The following SEC16B variants were observed in gnomAD, a reference collection of about 807,000 sequenced individuals.
SEC16B encodes the protein protein transport protein Sec16B.
A neutral mutation model predicts 141.8 loss-of-function variants in SEC16B; 115 were observed. That is an observed-to-expected ratio of 0.81 (90% CI 0.70 to 0.95). SEC16B has a LOEUF of 0.95. Among genes scored for constraint, SEC16B ranks in the 40% least tolerant of loss-of-function variants. The probability of loss-of-function intolerance (pLI) is 0.00; values close to 1 mark genes in which losing one functional copy is unlikely to be tolerated. For synonymous variants in SEC16B, 493 were observed against 492.5 expected (o/e 1.00, Z -0.01); for missense variants, 1,291 against 1,312.3 (o/e 0.98, Z 0.25).
At chr1:177,948,159 A>G (rs1457113655) in intron 12 of SEC16B, among the ~76,000 whole-genome samples, 2 of 152,204 alleles carry the variant, frequency 1.3e-5, no homozygotes, top group African/African-American at 4.8e-5. Flanking sequence ...GCATACATAC[A>G]TACATACATT....
intron 3 of SEC16B, among the ~76,000 whole-genome samples, chr1:177,965,375 A>G (rs1653434445): frequency 6.7e-6 from 1 of 148,958 alleles, no homozygotes; most frequent in African/African-American, 2.6e-5. Flanking sequence ...GCATGGATCT[A>G]TACAACCGCA....
Position 177,932,578 on chromosome 1 carries a change from T to C in SEC16B, c.2933-9A>G, listed in dbSNP as rs522367. On this transcript the variant is annotated splice_polypyrimidine_tract_variant and intron_variant, in intron 23 of 25. Transcript: ENST00000308284. ...TCGGCCTTCACCCCCACCTGGAAAG[T>C]AATGAGGCAGAGCTGTTTCCTCTGC... The C allele has an allele frequency of 0.45, 691,421 of 1,546,798 alleles. 156,305 individuals are homozygous for C. The highest frequency in any genetic ancestry group is 0.5 in the African/African-American group (36,003 of 72,692).
chr1:177,958,810 C>T (rs985408627), intron 9 of SEC16B, 30 bp downstream of exon 9: 1 of 1,595,992 alleles, frequency 6.3e-7, no homozygotes, highest in Admixed American at 1.7e-5. Flanking sequence ...TTTCAGCCTG[C>T]ACCTGCTCTC....
chr1:177,946,247 C>A, intron 14 of SEC16B, 173 bp downstream of exon 14: 1 of 673,322 alleles, frequency 1.5e-6, no homozygotes, highest in Non-Finnish European at 2.7e-6. Context: ...TAATGTGGGG[C>A]CCACGGGGCA....
At chr1:177,962,683 C>T (rs1213342163) in intron 5 of SEC16B, among the ~76,000 whole-genome samples, 2 of 151,820 alleles carry the variant, frequency 1.3e-5, no homozygotes, top group African/African-American at 4.8e-5. Context: ...GAGTTCAAGG[C>T]TGCAGTGAGC....
Position 177,939,813 on chromosome 1 carries a change from A to G in SEC16B, c.2128-36T>C, listed in dbSNP as rs80106858. 3 of 1,457,528 alleles carry G rather than the reference A, an allele frequency of 2.1e-6. No individual in the cohort carries two copies. In the South Asian group the frequency reaches 3.8e-5, roughly 18 times the overall value. 90.3% of individuals were successfully genotyped at this position (1,457,528 alleles called of 1,614,324 possible). ...TAAAGTAAAATTCCTTTTAAGCAGCACAAAGGAAAAACAAGAACAGAGAAA... is the reference window on the plus strand; with the variant it reads ...TAAAGTAAAATTCCTTTTAAGCAGCGCAAAGGAAAAACAAGAACAGAGAAA... On this transcript the variant is annotated intron_variant, in intron 17 of 25. Coordinates refer to ENST00000308284, the MANE Select transcript of SEC16B (RefSeq NM_033127.4).
chr1:177,956,127 A>T (rs570691661), intron 10 of SEC16B, among the ~76,000 whole-genome samples: 13 of 152,102 alleles, frequency 8.5e-5, no homozygotes, highest in South Asian at 2.1e-4. Context: ...ATTGGAAAAA[A>T]TTTTTTTTTA....
chr1:177,962,397 C>A (rs4650985), intron 5 of SEC16B, among the ~76,000 whole-genome samples: 39,412 of 151,338 alleles, frequency 0.26, 5,547 homozygotes, highest in South Asian at 0.37. Context: ...TAATGAGCAC[C>A]TATTATGCTC....
intron 9 of SEC16B, 70 bp downstream of exon 9, chr1:177,958,770 A>T (rs1652826707): frequency 3.9e-6 from 6 of 1,519,346 alleles, no homozygotes; most frequent in African/African-American, 1.4e-5. Context: ...TGTCATAAAC[A>T]TAATCTTATC....
intron 1 of SEC16B, among the ~76,000 whole-genome samples, chr1:177,980,758 C>CA (rs747539080): frequency 7.7e-6 from 1 of 130,140 alleles, no homozygotes; most frequent in African/African-American, 3.2e-5. Context: ...GGTTTCTCTG[C>CA]GAAAAAAAAA....
intron 6 of SEC16B, 26 bp downstream of exon 6, chr1:177,961,564 A>G (rs1227601003): frequency 6.3e-7 from 1 of 1,586,160 alleles, no homozygotes; most frequent in Admixed American, 1.9e-5. Flanking sequence ...GATTCAATCA[A>G]CTCTTCTGAT....
intron 1 of SEC16B, among the ~76,000 whole-genome samples, chr1:177,969,250 C>T (rs1653789031): frequency 6.6e-6 from 1 of 152,164 alleles, no homozygotes; most frequent in African/African-American, 2.4e-5. Context: ...CGTCACTCTG[C>T]TCAAACACCA....
Position 177,936,289 on chromosome 1 carries a change from C to A in SEC16B, c.2571+9G>T. On this transcript the variant is annotated intron_variant, in intron 20 of 25. Transcript: ENST00000308284. ...GGGCAGTGGCATCTTTTATGCTGTG[C>A]GCTCTCACCTGTGGTTTGGAAATGA... 1.2e-6 allele frequency: 2 copies of A among 1,605,072 alleles called. No homozygotes were observed. Among genetic ancestry groups the A allele is most frequent in the Non-Finnish European group, 1.7e-6 (2 of 1,175,504 alleles).
rs532206136 is a variant in SEC16B, at chr1:177,929,509, C to T, written c.*349G>A. 11 of 295,212 alleles carry T rather than the reference C, an allele frequency of 3.7e-5. No individual in the cohort carries two copies. The highest frequency in any genetic ancestry group is 1.1e-3 in the Middle Eastern group (1 of 902). 18.3% of individuals were successfully genotyped at this position (295,212 alleles called of 1,614,324 possible). On this transcript the variant is annotated 3_prime_UTR_variant, in exon 26 of 26. Transcript: ENST00000308284. ...TCCCATTTCTTGCTACAGGGCCCTGCGGTATCATCTTTGATTCTAGCTGTT... is the reference window on the plus strand; with the variant it reads ...TCCCATTTCTTGCTACAGGGCCCTGTGGTATCATCTTTGATTCTAGCTGTT...
At chr1:177,938,243 T>C (rs930290770) in intron 18 of SEC16B, among the ~76,000 whole-genome samples, 6 of 152,226 alleles carry the variant, frequency 3.9e-5, no homozygotes, top group Admixed American at 6.5e-5. Context: ...CCACCAACCA[T>C]GAACTGGGTC....
At chr1:177,958,562 A>T in intron 9 of SEC16B, 200 bp from the exon 10 acceptor site, 1 of 612,302 alleles carries the variant, frequency 1.6e-6, no homozygotes, top group Non-Finnish European at 2.8e-6. Flanking sequence ...GTCAGGAGCC[A>T]TAAAGCTTAC....
At chr1:177,931,106 G>A (rs1259463119) in intron 24 of SEC16B, among the ~76,000 whole-genome samples, 1 of 152,142 alleles carries the variant, frequency 6.6e-6, no homozygotes, top group Non-Finnish European at 1.5e-5. Context: ...GTCATTACTT[G>A]AAAAATACAC....
chr1:177,958,702 G>T (rs1652820995), intron 9 of SEC16B, 138 bp downstream of exon 9: 10 of 1,089,402 alleles, frequency 9.2e-6, no homozygotes, highest in African/African-American at 3.2e-5. Flanking sequence ...ATTGACATTT[G>T]AGCAATTTTT....
intron 2 of SEC16B, among the ~76,000 whole-genome samples, 152 bp from the exon 3 acceptor site, chr1:177,966,157 G>A (rs1653502144): frequency 6.6e-6 from 1 of 152,186 alleles, no homozygotes; most frequent in Admixed American, 6.5e-5. Context: ...TCTAGATCCT[G>A]TAAACAGAAT....
Sources: allele counts gnomAD v4.1 joint callset (sites outside exome capture counted in the v4.1 genomes callset), GRCh38; gene constraint gnomAD v4.1.1; transcripts MANE v1.5; gene names NCBI Gene and HGNC (gene_info 2026-07-23, HGNC 2026-07-21).